NFAM1: variants seen among roughly 807,000 people sequenced by gnomAD.
NFAM1 encodes the protein NFAT activation molecule 1.
In NFAM1, 17 loss-of-function variants were observed where a neutral mutation model predicts 29.0. The ratio of observed to expected loss-of-function variants is 0.59; its 90% CI spans 0.40 to 0.88. The LOEUF (loss-of-function observed/expected upper bound fraction) is 0.88, where lower values mean the gene tolerates loss of function less well. Ranked by LOEUF, NFAM1 falls within the 40% of genes least tolerant of loss-of-function variation. The pLI is 0.00. For synonymous variants in NFAM1, 175 were observed against 147.2 expected, an observed-to-expected ratio of 1.19 and a Z score of -1.36; for missense variants, 324 against 344.6, an observed-to-expected ratio of 0.94 and a Z score of 0.47.
At chr22:42,437,303 C>T (rs1377300914), upstream of NFAM1, among the ~76,000 whole-genome samples, 2 of 151,946 alleles carry the variant, frequency 1.3e-5, no homozygotes, top group Non-Finnish European at 2.9e-5. Flanking sequence ...CCACCACACC[C>T]GGCTATGTTT....
At chr22:42,416,749 C>A (rs1396536581) in intron 1 of NFAM1, among the ~76,000 whole-genome samples, 1 of 152,212 alleles carries the variant, frequency 6.6e-6, no homozygotes, top group Non-Finnish European at 1.5e-5. Flanking sequence ...CACTCGGCCG[C>A]TATCTATCTC....
chr22:42,435,424 C>T (rs1349447557), upstream of NFAM1, among the ~76,000 whole-genome samples: 3 of 151,456 alleles, frequency 2.0e-5, no homozygotes, highest in South Asian at 2.1e-4. Flanking sequence ...CTCGGCTCAC[C>T]GTAAACTCTG....
At chr22:42,411,026 T>C (rs1306178628) in intron 2 of NFAM1, among the ~76,000 whole-genome samples, 4 of 54,524 alleles carry the variant, frequency 7.3e-5, no homozygotes, top group South Asian at 8.5e-4. Context: ...TTTCTTTTTT[T>C]TTTTTTTTTT....
Position 42,383,446 on chromosome 22 carries a change from G to C in NFAM1, c.*1715C>G, listed in dbSNP as rs943707245. 6 of 152,720 alleles carry C rather than the reference G, an allele frequency of 3.9e-5. No homozygotes were observed. The highest frequency in any genetic ancestry group is 1.4e-4 in the African/African-American group (6 of 41,458). 9.5% of individuals were successfully genotyped at this position (152,720 alleles called of 1,614,324 possible). Reference sequence around the variant, plus strand: ...CGGAGTTCATTCAAATCCAGCCTCTGGGAGCAGGGGCCTTGCCACTCGGTT... The same window carrying C: ...CGGAGTTCATTCAAATCCAGCCTCTCGGAGCAGGGGCCTTGCCACTCGGTT... On this transcript the variant is annotated 3_prime_UTR_variant, in exon 6 of 6. Coordinates refer to ENST00000329021, the MANE Select transcript of NFAM1 (RefSeq NM_145912.8).
At chr22:42,393,357 C>A (rs1414198011) in intron 4 of NFAM1, among the ~76,000 whole-genome samples, 2 of 152,082 alleles carry the variant, frequency 1.3e-5, no homozygotes, top group Non-Finnish European at 2.9e-5. Context: ...TCAAGACCAG[C>A]TGGGCCACAT....
chr22:42,422,123 T>C (rs1930464933), intron 1 of NFAM1, among the ~76,000 whole-genome samples: 1 of 152,180 alleles, frequency 6.6e-6, no homozygotes, highest in Non-Finnish European at 1.5e-5. Context: ...ATTACAAAGA[T>C]GCCTCAAGAC....
intron 1 of NFAM1, among the ~76,000 whole-genome samples, chr22:42,429,916 G>A (rs1481756783): frequency 2.0e-5 from 3 of 152,232 alleles, no homozygotes; most frequent in Non-Finnish European, 4.4e-5. Context: ...GAAGGCAGGG[G>A]TGTGACATGG....
At chr22:42,424,881 T>C (rs1930572049) in intron 1 of NFAM1, among the ~76,000 whole-genome samples, 1 of 150,224 alleles carries the variant, frequency 6.7e-6, no homozygotes, top group South Asian at 2.1e-4. Context: ...TCCCTCCCTC[T>C]CTCTTTCTTT....
At chr22:42,407,913 T>C (rs896598556) in intron 3 of NFAM1, among the ~76,000 whole-genome samples, 2 of 149,912 alleles carry the variant, frequency 1.3e-5, no homozygotes, top group African/African-American at 4.9e-5. Context: ...CTTTTTTTTT[T>C]TTTTTTTTTT....
chr22:42,380,675 C>G lies in NFAM1; in HGVS notation c.*4486G>C, dbSNP rs1928914274. ...GCCTGGCTGGACTGAGCCAACGGCC[C>G]ACCTCTCCTGCATAAGCTGTCTGCC... On this transcript the variant is annotated 3_prime_UTR_variant, in exon 6 of 6. Coordinates refer to ENST00000329021, the MANE Select transcript of NFAM1 (RefSeq NM_145912.8). The G allele has an allele frequency of 6.6e-6, 1 of 152,636 alleles. No individual in the cohort carries two copies. Among genetic ancestry groups the G allele is most frequent in the Non-Finnish European group, 1.5e-5 (1 of 68,030 alleles). The allele number at this position is 152,636 out of a possible 1,614,324, so 9.5% of individuals were successfully genotyped here.
intron 3 of NFAM1, among the ~76,000 whole-genome samples, chr22:42,407,153 C>G (rs1361028046): frequency 6.6e-6 from 1 of 150,638 alleles, no homozygotes; most frequent in Non-Finnish European, 1.5e-5. Context: ...GCCATCTCAA[C>G]TCACTAAAAT....
In NFAM1 at chr22:42,382,558, T is replaced by C. The variant is rs1189805968; in HGVS notation, c.*2603A>G. 1 of 152,234 alleles carries C rather than the reference T, an allele frequency of 6.6e-6. No homozygotes were observed. The highest frequency in any genetic ancestry group is 1.5e-5 in the Non-Finnish European group (1 of 68,086). 9.4% of individuals were successfully genotyped at this position (152,234 alleles called of 1,614,324 possible). On this transcript the variant is annotated 3_prime_UTR_variant, in exon 6 of 6. Coordinates refer to ENST00000329021, the MANE Select transcript of NFAM1 (RefSeq NM_145912.8). ...CAAGCCTGCACCCCAGGAGCTCCCA[T>C]TCATACCCTCTCTGTCCCCTCTCTG...
chr22:42,409,553 AGGAAGCGCAGG>A lies in NFAM1; in HGVS notation c.452-17_452-7del. The A allele has an allele frequency of 6.9e-7, 1 of 1,441,106 alleles. No individual in the cohort carries two copies. Among genetic ancestry groups the A allele is most frequent in the Non-Finnish European group, 9.3e-7 (1 of 1,072,376 alleles). The allele number at this position is 1,441,106 out of a possible 1,614,324, so 89.3% of individuals were successfully genotyped here. The stretch of plus-strand genomic sequence containing the variant: ...GGGCTCTCGGTACCCTGCGTCTAGG[AGGAAGCGCAGG>A]GGAGCAGAGGGGTCAGTGACCCAGG... On this transcript the variant is annotated splice_region_variant and splice_polypyrimidine_tract_variant and intron_variant, in intron 2 of 5. Coordinates refer to ENST00000329021, the MANE Select transcript of NFAM1 (RefSeq NM_145912.8). This position sits in a 1 kb window ranked among gnomAD's most constrained non-coding sequence, Gnocchi z 4.9.
At chr22:42,413,751 T>C (rs751867310) in intron 1 of NFAM1, among the ~76,000 whole-genome samples, 3 of 151,604 alleles carry the variant, frequency 2.0e-5, no homozygotes, top group Non-Finnish European at 2.9e-5. Flanking sequence ...ACAACAATAA[T>C]AACAACAACA....
chr22:42,385,004 A>C lies in NFAM1; in HGVS notation c.*157T>G. The C allele has an allele frequency of 7.2e-6, 5 of 692,590 alleles. No individual in the cohort carries two copies. The highest frequency in any genetic ancestry group is 1.0e-5 in the Non-Finnish European group (4 of 382,194). The allele number at this position is 692,590 out of a possible 1,614,324, so 42.9% of individuals were successfully genotyped here. A position where few individuals can be genotyped will look rare whatever the true frequency, so the allele number is the denominator to read the frequency against. On this transcript the variant is annotated 3_prime_UTR_variant, in exon 6 of 6. Coordinates refer to ENST00000329021, the MANE Select transcript of NFAM1 (RefSeq NM_145912.8). ...TGGTTGGGGCATAGAATGGGGGGGCAGTGGGGCCGGCCAAGACAGGAAGGG... is the reference window on the plus strand; with the variant it reads ...TGGTTGGGGCATAGAATGGGGGGGCCGTGGGGCCGGCCAAGACAGGAAGGG...
chr22:42,423,240 C>T (rs1930508328), intron 1 of NFAM1, among the ~76,000 whole-genome samples: 1 of 151,852 alleles, frequency 6.6e-6, no homozygotes, highest in South Asian at 2.1e-4. Flanking sequence ...AGGAAGGGAG[C>T]TGACAGATGG....
At chr22:42,390,538 T>C (rs10084635) in intron 4 of NFAM1, among the ~76,000 whole-genome samples, 34,675 of 151,956 alleles carry the variant, frequency 0.23, 4,393 homozygotes, top group African/African-American at 0.33. Flanking sequence ...GGGAGCGGGC[T>C]GGGTGTGGTG....
At chr22:42,386,937 G>T in intron 5 of NFAM1, 52 bp downstream of exon 5, 2 of 987,374 alleles carry the variant, frequency 2.0e-6, no homozygotes, top group Non-Finnish European at 3.0e-6. Context: ...ACCAGTGATG[G>T]GAGGGTCAGA....
intron 3 of NFAM1, among the ~76,000 whole-genome samples, chr22:42,402,218 G>T (rs1388549093): frequency 1.3e-5 from 2 of 152,216 alleles, no homozygotes; most frequent in East Asian, 3.9e-4. Flanking sequence ...ATGGATGTGG[G>T]GAGAGAGAAG....
Sources: gnomAD v4.1 joint callset for allele counts (sites outside exome capture counted in the v4.1 genomes callset) on GRCh38, gnomAD v4.1.1 for gene constraint, Gnocchi (gnomAD v3.1) non-coding constraint, MANE v1.5 for transcripts, NCBI Gene and HGNC (gene_info 2026-07-23, HGNC 2026-07-21) for gene names.